Variants in EPHA3 observed in about 807,000 individuals in gnomAD.
The protein encoded by EPHA3 is ephrin type-A receptor 3.
In EPHA3, 42 loss-of-function variants were observed where a neutral mutation model predicts 107.1. The observed-to-expected ratio is 0.39, with a 90% CI of 0.31 to 0.51. The LOEUF (loss-of-function observed/expected upper bound fraction) is 0.51, where lower values mean the gene tolerates loss of function less well. Ranked by LOEUF, EPHA3 falls within the 20% of genes least tolerant of loss-of-function variation. The pLI is 0.78. For synonymous variants in EPHA3, 461 were observed against 424.8 expected (o/e 1.09, Z -1.05); for missense variants, 1,183 against 1,211.2 (o/e 0.98, Z 0.35).
chr3:89,331,886 A>G (rs1707297219), intron 3 of EPHA3, among the ~76,000 whole-genome samples: 1 of 152,072 alleles, frequency 6.6e-6, no homozygotes, highest in South Asian at 2.1e-4. Context: ...ATACATTCCA[A>G]TGCTGTTCTG....
chr3:89,293,687 C>T (rs1706273642), intron 3 of EPHA3, among the ~76,000 whole-genome samples: 1 of 152,106 alleles, frequency 6.6e-6, no homozygotes, highest in Non-Finnish European at 1.5e-5. Flanking sequence ...TGCTCTTTCT[C>T]TCTTTTCTGC....
chr3:89,227,044 A>G (rs1479177417), intron 3 of EPHA3, among the ~76,000 whole-genome samples: 1 of 152,072 alleles, frequency 6.6e-6, no homozygotes, highest in Non-Finnish European at 1.5e-5. Context: ...AAACATAGTC[A>G]AAAGAGAAAA....
chr3:89,126,014 A>G (rs2106971422), intron 1 of EPHA3, among the ~76,000 whole-genome samples: 1 of 151,878 alleles, frequency 6.6e-6, no homozygotes, highest in South Asian at 2.1e-4. Context: ...TTGCAAAAAA[A>G]AATACTTGAG....
At chr3:89,166,988 A>G (rs1313459349) in intron 2 of EPHA3, among the ~76,000 whole-genome samples, 1 of 152,196 alleles carries the variant, frequency 6.6e-6, no homozygotes, top group African/African-American at 2.4e-5. Context: ...ATTTCTCCTC[A>G]AAATGTGTCT....
intron 1 of EPHA3, among the ~76,000 whole-genome samples, chr3:89,112,882 T>G (rs958624246): frequency 1.3e-5 from 2 of 152,070 alleles, no homozygotes; most frequent in African/African-American, 4.8e-5. Context: ...GTTTTACAAG[T>G]TATTTTCTGT....
chr3:89,160,250 A>G (rs2107068031), intron 2 of EPHA3, among the ~76,000 whole-genome samples: 1 of 152,212 alleles, frequency 6.6e-6, no homozygotes, highest in East Asian at 1.9e-4. Flanking sequence ...CAGACAACAA[A>G]CATATAATAA....
chr3:89,242,267 T>C (rs1256857145), intron 3 of EPHA3, among the ~76,000 whole-genome samples: 1 of 152,230 alleles, frequency 6.6e-6, no homozygotes, highest in Admixed American at 6.5e-5. Context: ...CCATAGACCA[T>C]TTCCATTAAA....
At chr3:89,422,761 T>A (rs1347497990) in intron 11 of EPHA3, among the ~76,000 whole-genome samples, 1 of 151,500 alleles carries the variant, frequency 6.6e-6, no homozygotes, top group African/African-American at 2.4e-5. Context: ...TTCGATTGTG[T>A]GCTTTGAAAC....
chr3:89,143,254 C>T (rs2107021297), intron 2 of EPHA3, among the ~76,000 whole-genome samples: 1 of 151,434 alleles, frequency 6.6e-6, no homozygotes, highest in East Asian at 1.9e-4. Flanking sequence ...TGTAGCTGGT[C>T]TATAAGCAAT....
chr3:89,225,056 A>G (rs1704471534), intron 3 of EPHA3, among the ~76,000 whole-genome samples: 1 of 152,094 alleles, frequency 6.6e-6, no homozygotes, highest in African/African-American at 2.4e-5. Flanking sequence ...TAAAAATGTG[A>G]AAGTTATTTG....
At position 89,371,130 on chromosome 3, in the gene EPHA3, TA is replaced by T. The variant is rs200582813; in HGVS notation, c.1307-24701del. Among the ~76,000 whole-genome samples, 59 of 151,874 alleles carry T rather than the reference TA, an allele frequency of 3.9e-4. No individual in the cohort carries two copies. In the East Asian group the frequency reaches 8.9e-3, roughly 23 times the overall value. ...TGTATAGTCATTATAGATTTGTGTT[TA>T]AAAAATTCTTTATATTAGTTATTCA... On this transcript the variant is annotated intron_variant, in intron 5 of 16. Transcript: ENST00000336596.
chr3:89,151,063 A>G (rs770520572), intron 2 of EPHA3, among the ~76,000 whole-genome samples: 1 of 152,120 alleles, frequency 6.6e-6, no homozygotes, highest in Non-Finnish European at 1.5e-5. Flanking sequence ...CTGATCTTTT[A>G]AGTCTGATAA....
At chr3:89,196,994 C>T (rs151162701) in intron 2 of EPHA3, among the ~76,000 whole-genome samples, 151 of 152,240 alleles carry the variant, frequency 9.9e-4, no homozygotes, top group African/African-American at 3.0e-3. Context: ...CTTCTTAGAC[C>T]GTCACTCCTT....
At chr3:89,440,807 A>C (rs895613055) in intron 13 of EPHA3, among the ~76,000 whole-genome samples, 7 of 152,158 alleles carry the variant, frequency 4.6e-5, no homozygotes, top group African/African-American at 1.7e-4. Context: ...CACTTTATTC[A>C]TCTCCTTTAC....
intron 5 of EPHA3, among the ~76,000 whole-genome samples, chr3:89,378,773 C>T (rs116558158): frequency 0.011 from 1,660 of 152,230 alleles, 27 homozygotes; most frequent in African/African-American, 0.038. Context: ...TGCATGATTT[C>T]CTTTTTAGCT....
intron 5 of EPHA3, among the ~76,000 whole-genome samples, chr3:89,384,541 C>T (rs1297196237): frequency 1.3e-5 from 2 of 152,064 alleles, no homozygotes; most frequent in East Asian, 3.9e-4. Flanking sequence ...CTCTAACAAA[C>T]AGAAGTGTGA....
intron 2 of EPHA3, among the ~76,000 whole-genome samples, chr3:89,139,666 G>A (rs773566494): frequency 2.0e-5 from 3 of 151,602 alleles, no homozygotes; most frequent in South Asian, 2.1e-4. Flanking sequence ...AAGCGGCAGC[G>A]ACTATAGAAA....
At chr3:89,208,903 C>A (rs1706194224) in intron 2 of EPHA3, among the ~76,000 whole-genome samples, 1 of 152,006 alleles carries the variant, frequency 6.6e-6, no homozygotes, top group South Asian at 2.1e-4. Context: ...TAGTTTCCTG[C>A]AAGAAGTAAG....
chr3:89,475,965 TAG>T (rs959412979), intron 16 of EPHA3, among the ~76,000 whole-genome samples: 1 of 152,000 alleles, frequency 6.6e-6, no homozygotes, highest in Non-Finnish European at 1.5e-5. Context: ...CGGGCAAGAA[TAG>T]AGAGACTAGA....
Sources: gnomAD v4.1 joint callset for allele counts (sites outside exome capture counted in the v4.1 genomes callset) on GRCh38, gnomAD v4.1.1 for gene constraint, MANE v1.5 for transcripts, NCBI Gene and HGNC (gene_info 2026-07-23, HGNC 2026-07-21) for gene names.